PDGFD: variants seen among roughly 807,000 people sequenced by gnomAD.
PDGFD encodes the protein platelet-derived growth factor D.
A neutral mutation model predicts 44.7 loss-of-function variants in PDGFD; 30 were observed. The ratio of observed to expected loss-of-function variants is 0.67; its 90% confidence interval spans 0.50 to 0.91. The LOEUF is 0.91. Among genes scored for constraint, PDGFD ranks in the 40% least tolerant of loss-of-function variants. The probability of loss-of-function intolerance (pLI) is 0.00; values close to 1 mark genes in which losing one functional copy is unlikely to be tolerated. For missense variants in PDGFD, 445 were observed against 457.8 expected (o/e 0.97, Z 0.25); for synonymous variants, 173 against 168.4 (o/e 1.03, Z -0.21).
chr11:103,992,031 C>T (rs573861145), intron 3 of PDGFD, among the ~76,000 whole-genome samples: 1 of 152,270 alleles, frequency 6.6e-6, no homozygotes, highest in East Asian at 1.9e-4. Flanking sequence ...CATTTGTTCT[C>T]CAGCAAAGTA....
In PDGFD at chr11:104,154,184, A is replaced by C. The variant is rs552247300; in HGVS notation, c.124+9620T>G. ...TTTGAATGTTCTTTCTTTTCCTATTAACACCATCCCCCATTACATTCTAAA... is the reference window on the plus strand; with the variant it reads ...TTTGAATGTTCTTTCTTTTCCTATTCACACCATCCCCCATTACATTCTAAA... On this transcript the variant is annotated intron_variant, in intron 1 of 6. Transcript: ENST00000393158. Among the ~76,000 whole-genome samples the C allele has an allele frequency of 1.8e-4, 27 of 152,280 alleles. No homozygotes were observed. The South Asian group carries it at 4.8e-3, about 27-fold the overall frequency.
At chr11:103,939,099 T>C (rs1264372087) in intron 5 of PDGFD, among the ~76,000 whole-genome samples, 5 of 152,076 alleles carry the variant, frequency 3.3e-5, no homozygotes, top group African/African-American at 1.2e-4. Flanking sequence ...AAGAAAGTAA[T>C]TGGTAGCTTG....
At chr11:104,087,424 G>T (rs112674879) in intron 1 of PDGFD, among the ~76,000 whole-genome samples, 1 of 152,044 alleles carries the variant, frequency 6.6e-6, no homozygotes, top group African/African-American at 2.4e-5. Flanking sequence ...GGTCAGGCTG[G>T]TCTCAATCTC....
At chr11:103,912,508 C>G (rs1201577545) in intron 6 of PDGFD, among the ~76,000 whole-genome samples, 1 of 152,172 alleles carries the variant, frequency 6.6e-6, no homozygotes, top group African/African-American at 2.4e-5. Flanking sequence ...ACAACTGGTA[C>G]CAGCCACTGC....
intron 1 of PDGFD, among the ~76,000 whole-genome samples, chr11:104,160,902 A>G (rs115199827): frequency 0.017 from 2,539 of 152,284 alleles, 93 homozygotes; most frequent in African/African-American, 0.058. Flanking sequence ...AACATTATGT[A>G]TTTCCACATC....
intron 1 of PDGFD, among the ~76,000 whole-genome samples, chr11:104,060,889 TACA>T (rs569375370): frequency 8.0e-4 from 122 of 152,338 alleles, no homozygotes; most frequent in African/African-American, 2.6e-3. Flanking sequence ...ACTTTAAGTG[TACA>T]ACTCAGTGGT....
chr11:103,969,474 G>GTTTTTTTTTTTTTTTTTTT (rs66571550), intron 3 of PDGFD, among the ~76,000 whole-genome samples: 1 of 89,808 alleles, frequency 1.1e-5, no homozygotes, highest in Non-Finnish European at 2.1e-5. Context: ...ACCAAGCCTG[G>GTTTTTTTTTTTTTTTTTTT]TTTTTTTTTT....
chr11:104,063,180 C>A (rs892872621), intron 1 of PDGFD, among the ~76,000 whole-genome samples: 2 of 152,020 alleles, frequency 1.3e-5, no homozygotes, highest in Non-Finnish European at 1.5e-5. Context: ...AAGATTTTGA[C>A]GCCTTTCTAC....
intron 3 of PDGFD, among the ~76,000 whole-genome samples, chr11:103,955,415 C>T (rs970049533): frequency 1.3e-5 from 2 of 152,160 alleles, no homozygotes; most frequent in Middle Eastern, 3.4e-3. Flanking sequence ...CATGCAGACC[C>T]AACAATGTTT....
chr11:103,985,698 AATG>A (rs1245321680), intron 3 of PDGFD, among the ~76,000 whole-genome samples: 2 of 149,232 alleles, frequency 1.3e-5, no homozygotes, highest in African/African-American at 5.2e-5. Context: ...TTGAAACTAG[AATG>A]TTAGGCTGTG....
At chr11:104,040,190 G>C (rs1860324364) in intron 1 of PDGFD, among the ~76,000 whole-genome samples, 1 of 151,984 alleles carries the variant, frequency 6.6e-6, no homozygotes, top group Non-Finnish European at 1.5e-5. Flanking sequence ...TTAGACTTCA[G>C]TAGGTTTTCA....
At chr11:103,955,196 A>C (rs1437815459) in intron 3 of PDGFD, among the ~76,000 whole-genome samples, 3 of 126,330 alleles carry the variant, frequency 2.4e-5, no homozygotes, top group African/African-American at 8.6e-5. Flanking sequence ...AAAAAAAAAA[A>C]AAAAAAAAAA....
intron 3 of PDGFD, among the ~76,000 whole-genome samples, chr11:103,982,969 T>C (rs977740158): frequency 1.3e-5 from 2 of 151,792 alleles, no homozygotes; most frequent in Non-Finnish European, 2.9e-5. Flanking sequence ...AGAGAAGCAG[T>C]ATCATGAAAA....
intron 1 of PDGFD, among the ~76,000 whole-genome samples, chr11:104,141,562 GT>G (rs967517007): frequency 6.6e-5 from 10 of 152,074 alleles, no homozygotes; most frequent in African/African-American, 2.4e-4. Flanking sequence ...AGCCTCCTGA[GT>G]ATCTGAGACC....
intron 1 of PDGFD, among the ~76,000 whole-genome samples, chr11:104,099,475 A>G (rs527711447): frequency 1.3e-5 from 2 of 152,118 alleles, no homozygotes; most frequent in African/African-American, 4.8e-5. Context: ...TGCTGTCTCT[A>G]CAAAAAATTA....
intron 6 of PDGFD, among the ~76,000 whole-genome samples, chr11:103,915,521 GTAAAT>G (rs1271375778): frequency 1.3e-5 from 2 of 152,054 alleles, no homozygotes; most frequent in Non-Finnish European, 2.9e-5. Flanking sequence ...ACTGCCCAAA[GTAAAT>G]TATAGATTCA....
At chr11:104,149,216 T>A (rs1392492550) in intron 1 of PDGFD, among the ~76,000 whole-genome samples, 1 of 152,170 alleles carries the variant, frequency 6.6e-6, no homozygotes, top group Non-Finnish European at 1.5e-5. Context: ...TCACTTAATG[T>A]CATCTATAGG....
At chr11:104,109,855 TGC>T (rs1396479279) in intron 1 of PDGFD, among the ~76,000 whole-genome samples, 1 of 152,144 alleles carries the variant, frequency 6.6e-6, no homozygotes, top group Admixed American at 6.6e-5. Flanking sequence ...TAATAGAGTG[TGC>T]TCTGGATCCA....
chr11:104,108,467 C>T (rs1861500752), intron 1 of PDGFD, among the ~76,000 whole-genome samples: 1 of 152,092 alleles, frequency 6.6e-6, no homozygotes, highest in East Asian at 1.9e-4. Flanking sequence ...TCATCACTGG[C>T]TATCAGAGAA....
Sources: allele counts gnomAD v4.1 joint callset (sites outside exome capture counted in the v4.1 genomes callset), GRCh38; gene constraint gnomAD v4.1.1; transcripts MANE v1.5; gene names NCBI Gene and HGNC (gene_info 2026-07-23, HGNC 2026-07-21).